LYRM4: variants seen among roughly 807,000 people sequenced by gnomAD.
LYRM4 encodes LYR motif-containing protein 4.
A neutral mutation model predicts 11.7 loss-of-function variants in LYRM4; 9 were observed. The observed-to-expected ratio is 0.77, with a 90% CI of 0.46 to 1.34. LYRM4 has a LOEUF of 1.34. Ranked by LOEUF, LYRM4 falls within the 40% of genes most tolerant of loss-of-function variation. The probability of loss-of-function intolerance (pLI) is 0.00; values close to 1 mark genes in which losing one functional copy is unlikely to be tolerated. For missense variants in LYRM4, 133 were observed against 112.5 expected (o/e 1.18, Z -0.82); for synonymous variants, 42 against 40.4 (o/e 1.04, Z -0.15).
downstream of LYRM4, among the ~76,000 whole-genome samples, chr6:5,099,438 C>T (rs3930692): frequency 0.017 from 1,614 of 94,906 alleles, 26 homozygotes; most frequent in African/African-American, 0.059. The surrounding 1 kb of genome is among the most constrained non-coding windows in gnomAD (Gnocchi z 4.3). Context: ...TATTTTATAG[C>T]GATGAGGCCT....
rs558975718 is a variant in LYRM4 at position 5,242,994 on chromosome 6, C to T, written c.86+17654G>A. ...TTCACCTTGTTAGCCAGGATGGTCT[C>T]GATCTCCTGACCTCATGATCCACCC... On this transcript the variant is annotated intron_variant, in intron 1 of 2. Transcript: ENST00000330636. Among the ~76,000 whole-genome samples, 8 of 151,684 alleles carry T rather than the reference C, an allele frequency of 5.3e-5. No homozygotes were observed. The East Asian group carries it at 1.2e-3, about 22-fold the overall frequency.
the LYRM4 span, chr6:5,086,511 C>G: frequency 1.3e-6 from 2 of 1,534,994 alleles, no homozygotes; most frequent in Non-Finnish European, 1.7e-6. Context: ...GGGACAACAA[C>G]GCGGGCGCCA....
downstream of LYRM4, among the ~76,000 whole-genome samples, chr6:5,100,722 C>T (rs930247792): frequency 1.3e-5 from 2 of 152,146 alleles, no homozygotes; most frequent in African/African-American, 2.4e-5. Flanking sequence ...AGGCATACAG[C>T]GATGAGTGAG....
rs112638236 is a variant in LYRM4 at position 5,116,927 on chromosome 6, C to T, written c.208-7436G>A. ...TTCTGAAGCAATGCACAGCCATCCC[C>T]GCAACACATCTCTATCTGATGGGGG... is the stretch of plus-strand genomic sequence containing the variant. On this transcript the variant is annotated intron_variant, in intron 2 of 2. Transcript: ENST00000330636. 8.0e-3 allele frequency among the ~76,000 whole-genome samples: 1,212 copies of T among 152,308 alleles called. 8 individuals carry two copies. The highest frequency in any genetic ancestry group is 0.026 in the African/African-American group (1,083 of 41,570).
At position 5,111,315 on chromosome 6, in the gene LYRM4, T is replaced by C. The variant is rs1561802727; in HGVS notation, c.208-1824A>G. Among the ~76,000 whole-genome samples, 3 of 152,260 alleles carry C rather than the reference T, an allele frequency of 2.0e-5. No homozygotes were observed. The East Asian group carries it at 5.8e-4, about 29-fold the overall frequency. Reference sequence around the variant, plus strand: ...GGTTCAGCTACCTGGGAGCTTGTTCTGTATTTAATTGATCTCAGGGGATTC... The same window carrying C: ...GGTTCAGCTACCTGGGAGCTTGTTCCGTATTTAATTGATCTCAGGGGATTC... On this transcript the variant is annotated intron_variant, in intron 2 of 2. Transcript: ENST00000330636.
At chr6:5,245,113 AATATATATAT>A (rs1158676783) in intron 1 of LYRM4, among the ~76,000 whole-genome samples, 336 of 23,944 alleles carry the variant, frequency 0.014, 3 homozygotes, top group South Asian at 0.017. Flanking sequence ...AAAAAAAAAA[AATATATATAT>A]ATATATATAT....
At chr6:5,058,539 C>T in the LYRM4 span, among the ~76,000 whole-genome samples, 1 of 152,232 alleles carries the variant, frequency 6.6e-6, no homozygotes, top group Non-Finnish European at 1.5e-5. Context: ...TCTCTGTCCT[C>T]CTTTTCTGCC....
Position 5,112,714 on chromosome 6 carries a change from C to T in LYRM4, c.208-3223G>A, listed in dbSNP as rs1337960756. ...GGAATGTGCTAGCATGAGGAGGGCACGCAGGACTAGAGGGATCTAGAAGAT... is the reference window on the plus strand; with the variant it reads ...GGAATGTGCTAGCATGAGGAGGGCATGCAGGACTAGAGGGATCTAGAAGAT... On this transcript the variant is annotated intron_variant, in intron 2 of 2. Coordinates refer to ENST00000330636, the MANE Select transcript of LYRM4 (RefSeq NM_020408.6). Among the ~76,000 whole-genome samples the T allele has an allele frequency of 2.6e-5, 4 of 152,044 alleles. No individual in the cohort carries two copies. In the East Asian group the frequency reaches 7.7e-4, roughly 29 times the overall value.
chr6:5,084,342 G>A, the LYRM4 span, among the ~76,000 whole-genome samples: 1 of 152,192 alleles, frequency 6.6e-6, no homozygotes, highest in East Asian at 1.9e-4. Flanking sequence ...TGGCAAGGCC[G>A]GAGCAGCAGG....
intron 2 of LYRM4, among the ~76,000 whole-genome samples, chr6:5,122,608 G>A (rs1387937162): frequency 2.6e-5 from 4 of 152,154 alleles, no homozygotes; most frequent in Non-Finnish European, 2.9e-5. Flanking sequence ...CCCCTTCCCC[G>A]TTGGGCTCCC....
chr6:5,245,287 A>T (rs895326171), intron 1 of LYRM4, among the ~76,000 whole-genome samples: 1 of 150,998 alleles, frequency 6.6e-6, no homozygotes, highest in Non-Finnish European at 1.5e-5. Flanking sequence ...AAGGACAAGG[A>T]AGTGAGTGAC....
intron 1 of LYRM4, among the ~76,000 whole-genome samples, chr6:5,239,108 G>A (rs974104665): frequency 6.6e-6 from 1 of 152,330 alleles, no homozygotes. Flanking sequence ...AGATAGACCC[G>A]GAGGGGGCTG....
intron 1 of LYRM4, chr6:5,218,536 A>G (rs182772144): frequency 1.4e-5 from 3 of 219,566 alleles, no homozygotes; most frequent in South Asian, 3.3e-4. Flanking sequence ...GATACTAGGA[A>G]TCATAAAGGA....
the LYRM4 span, among the ~76,000 whole-genome samples, chr6:5,097,979 T>C: frequency 6.6e-6 from 1 of 152,192 alleles, no homozygotes; most frequent in Non-Finnish European, 1.5e-5. Context: ...GTTTGGTGTG[T>C]GTTTTTATAC....
At chr6:5,115,516 G>A (rs1034010493) in intron 2 of LYRM4, among the ~76,000 whole-genome samples, 14 of 152,148 alleles carry the variant, frequency 9.2e-5, no homozygotes, top group Non-Finnish European at 1.6e-4. Context: ...CATTACAGCA[G>A]TTACCATCAT....
chr6:5,220,525 C>T (rs140224674), intron 1 of LYRM4, among the ~76,000 whole-genome samples: 2 of 152,318 alleles, frequency 1.3e-5, no homozygotes, highest in African/African-American at 4.8e-5. Flanking sequence ...ACTCATCTAC[C>T]TCCAATGACT....
At chr6:5,248,664 C>T (rs770763607) in intron 1 of LYRM4, among the ~76,000 whole-genome samples, 4 of 152,256 alleles carry the variant, frequency 2.6e-5, no homozygotes, top group Non-Finnish European at 4.4e-5. Flanking sequence ...AGGTCAGCCA[C>T]CACTGCTTTC....
chr6:5,215,052 TG>T (rs1561876024), intron 2 of LYRM4, among the ~76,000 whole-genome samples: 1 of 151,014 alleles, frequency 6.6e-6, no homozygotes, highest in African/African-American at 2.4e-5. Context: ...TTTTTTTTTT[TG>T]CAAGGGTAGT....
chr6:5,234,703 G>A, intron 1 of LYRM4, among the ~76,000 whole-genome samples: 1 of 152,090 alleles, frequency 6.6e-6, no homozygotes, highest in East Asian at 1.9e-4. Context: ...ATCGAAGAAG[G>A]AATACAAAGT....
Sources: allele counts gnomAD v4.1 joint callset (sites outside exome capture counted in the v4.1 genomes callset), GRCh38; gene constraint gnomAD v4.1.1; non-coding constraint Gnocchi (gnomAD v3.1); transcripts MANE v1.5; gene names NCBI Gene and HGNC (gene_info 2026-07-23, HGNC 2026-07-21).